STAU2: variants seen among roughly 807,000 people sequenced by gnomAD.
The protein encoded by STAU2 is double-stranded RNA-binding protein Staufen homolog 2.
A neutral mutation model predicts 65.9 loss-of-function variants in STAU2; 20 were observed. That is an observed-to-expected ratio of 0.30 (90% CI 0.21 to 0.44). The LOEUF is 0.44. Among genes scored for constraint, STAU2 ranks in the 20% least tolerant of loss-of-function variants. The pLI is 1.00. For missense variants in STAU2, 558 were observed against 683.9 expected, an observed-to-expected ratio of 0.82 and a Z score of 2.05; for synonymous variants, 232 against 233.9, an observed-to-expected ratio of 0.99 and a Z score of 0.07.
intron 4 of STAU2, among the ~76,000 whole-genome samples, chr8:73,697,597 C>T (rs1322891815): frequency 6.6e-6 from 1 of 151,996 alleles, no homozygotes; most frequent in Non-Finnish European, 1.5e-5. Context: ...AATAATGAAC[C>T]AATCAAAAAT....
chr8:73,446,099 T>C (rs527710287), intron 13 of STAU2, among the ~76,000 whole-genome samples: 13 of 152,220 alleles, frequency 8.5e-5, no homozygotes, highest in South Asian at 2.1e-4. Context: ...TACCATGGAA[T>C]ACTACTCAGC....
chr8:73,670,845 A>C (rs1817620509), intron 6 of STAU2, among the ~76,000 whole-genome samples: 1 of 152,176 alleles, frequency 6.6e-6, no homozygotes, highest in Non-Finnish European at 1.5e-5. Context: ...CTCAGGCATA[A>C]AAGAAGTGAG....
At chr8:73,550,804 C>T in intron 13 of STAU2, 1 of 987,360 alleles carries the variant, frequency 1.0e-6, no homozygotes, top group Non-Finnish European at 1.2e-6. Context: ...ATTAGAAACA[C>T]TAACAACTAC....
chr8:73,546,652 T>C (rs1464128960), intron 13 of STAU2, among the ~76,000 whole-genome samples: 4 of 152,188 alleles, frequency 2.6e-5, no homozygotes, highest in Admixed American at 6.5e-5. Flanking sequence ...ACATTCCACA[T>C]ACTGTTCTTT....
rs577141872 is a variant in STAU2 at position 73,600,459 on chromosome 8, G to A, written c.1029+3267C>T. Among the ~76,000 whole-genome samples the A allele has an allele frequency of 3.9e-5, 6 of 152,234 alleles. No homozygotes were observed. In the South Asian group the frequency reaches 1.2e-3, roughly 31 times the overall value. On this transcript the variant is annotated intron_variant, in intron 10 of 14. Transcript: ENST00000524300. ...CAGTCAGACCAGGTACTCAGAGCCA[G>A]ATGAATACACACCACCTGCCGTAAC...
intron 6 of STAU2, chr8:73,653,723 G>C: frequency 1.1e-5 from 2 of 189,130 alleles, no homozygotes; most frequent in Non-Finnish European, 1.1e-5. Context: ...TTTTAAAGCT[G>C]CCCAGGAAAG....
At chr8:73,704,271 G>C (rs1233393605) in intron 4 of STAU2, among the ~76,000 whole-genome samples, 1 of 152,190 alleles carries the variant, frequency 6.6e-6, no homozygotes, top group Non-Finnish European at 1.5e-5. Context: ...CATAGGAAAA[G>C]AGGGGATGGG....
chr8:73,642,153 C>T (rs1363931575), intron 6 of STAU2, among the ~76,000 whole-genome samples: 1 of 152,192 alleles, frequency 6.6e-6, no homozygotes, highest in Non-Finnish European at 1.5e-5. Flanking sequence ...TAATCTCCCA[C>T]TTGATCTACC....
chr8:73,428,612 T>G (rs1013730546), intron 13 of STAU2, among the ~76,000 whole-genome samples: 1 of 152,196 alleles, frequency 6.6e-6, no homozygotes, highest in Non-Finnish European at 1.5e-5. Context: ...TCCTGTTTTA[T>G]TCCTAGCAAG....
chr8:73,689,820 T>C (rs537392075), intron 4 of STAU2, among the ~76,000 whole-genome samples: 10 of 152,230 alleles, frequency 6.6e-5, no homozygotes, highest in African/African-American at 1.4e-4. Flanking sequence ...ATCATACAAA[T>C]TGACGTCATG....
At position 73,549,839 on chromosome 8, in the gene STAU2, GTGTATA is replaced by G. The variant is rs1807197100; in HGVS notation, c.1530+2167_1530+2172del. On this transcript the variant is annotated intron_variant, in intron 13 of 14. Coordinates refer to ENST00000524300, the MANE Select transcript of STAU2 (RefSeq NM_001164380.2). ...TTTCAGAAATAAAAGTAACAGAATA[GTGTATA>G]ATCTGTAACAAGCTGGTCCTGTAAT... 4.3e-6 allele frequency: 4 copies of G among 932,368 alleles called. No individual in the cohort carries two copies. The Admixed American group carries it at 3.2e-4, about 75-fold the overall frequency. 57.8% of individuals were successfully genotyped at this position (932,368 alleles called of 1,614,324 possible). A position where few individuals can be genotyped will look rare whatever the true frequency, so the allele number is the denominator to read the frequency against.
At chr8:73,708,470 TATAA>T (rs1307413913) in intron 4 of STAU2, among the ~76,000 whole-genome samples, 1 of 152,176 alleles carries the variant, frequency 6.6e-6, no homozygotes, top group African/African-American at 2.4e-5. Flanking sequence ...TACAGCTATA[TATAA>T]ATAAAAATTG....
At chr8:73,455,630 CCT>C (rs1819022489) in intron 13 of STAU2, among the ~76,000 whole-genome samples, 1 of 152,152 alleles carries the variant, frequency 6.6e-6, no homozygotes. Context: ...TATTCCCTAT[CCT>C]TAAAAGGCCC....
chr8:73,744,291 G>A (rs1563544022), intron 1 of STAU2, among the ~76,000 whole-genome samples: 1 of 151,858 alleles, frequency 6.6e-6, no homozygotes, highest in Non-Finnish European at 1.5e-5. Flanking sequence ...GTACCTATAA[G>A]AGGCACAAAT....
At chr8:73,572,915 G>GAGAA (rs145492288) in intron 12 of STAU2, among the ~76,000 whole-genome samples, 15,460 of 151,910 alleles carry the variant, frequency 0.1, 1,328 homozygotes, top group African/African-American at 0.21. Context: ...AGGCAGGAGA[G>GAGAA]AGAAAGAAAG....
At chr8:73,726,616 C>T (rs918770694) in intron 3 of STAU2, among the ~76,000 whole-genome samples, 3 of 152,158 alleles carry the variant, frequency 2.0e-5, no homozygotes, top group African/African-American at 7.2e-5. Context: ...TTCAAGCCCA[C>T]TGATGTGTGT....
At chr8:73,517,626 T>C (rs1822814054) in intron 13 of STAU2, among the ~76,000 whole-genome samples, 1 of 152,292 alleles carries the variant, frequency 6.6e-6, no homozygotes, top group South Asian at 2.1e-4. Context: ...AGGTACAGAT[T>C]AAATAACCAC....
chr8:73,688,637 A>G lies in STAU2; in HGVS notation c.274+17T>C. On this transcript the variant is annotated intron_variant, in intron 5 of 14. Coordinates refer to ENST00000524300, the MANE Select transcript of STAU2 (RefSeq NM_001164380.2). ...CACACATAGCAGACAACATAACAGA[A>G]GGAGTCACTGCCATACCTGGGTTAT... The G allele has an allele frequency of 6.2e-7, 1 of 1,613,922 alleles. No homozygotes were observed. Among genetic ancestry groups the G allele is most frequent in the Non-Finnish European group, 8.5e-7 (1 of 1,179,890 alleles).
At chr8:73,482,998 A>G (rs1252790607) in intron 13 of STAU2, among the ~76,000 whole-genome samples, 3 of 151,942 alleles carry the variant, frequency 2.0e-5, no homozygotes, top group Non-Finnish European at 4.4e-5. Context: ...CAAAAATAAT[A>G]TTTAATATTT....
Sources: allele counts gnomAD v4.1 joint callset (sites outside exome capture counted in the v4.1 genomes callset), GRCh38; gene constraint gnomAD v4.1.1; transcripts MANE v1.5; gene names NCBI Gene and HGNC (gene_info 2026-07-23, HGNC 2026-07-21).